PTPRD: variants seen among roughly 807,000 people sequenced by gnomAD.
PTPRD encodes receptor-type tyrosine-protein phosphatase delta.
Under a neutral mutation model 214.5 loss-of-function variants are expected in PTPRD, and 34 were observed. That is an observed-to-expected ratio of 0.16 (90% confidence interval 0.12 to 0.21). The LOEUF (loss-of-function observed/expected upper bound fraction) is 0.21, where lower values mean the gene tolerates loss of function less well. Among genes scored for constraint, PTPRD ranks in the 10% least tolerant of loss-of-function variants. PTPRD has a pLI of 1.00. For missense variants in PTPRD, 2,545 were observed against 2,398.7 expected, an observed-to-expected ratio of 1.06 and a Z score of -1.27; for synonymous variants, 1,128 against 845.7, an observed-to-expected ratio of 1.33 and a Z score of -5.79.
intron 9 of PTPRD, among the ~76,000 whole-genome samples, chr9:9,355,175 C>T (rs1446267701): frequency 6.6e-6 from 1 of 151,692 alleles, no homozygotes; most frequent in African/African-American, 2.4e-5. Context: ...TATCTATCAT[C>T]TTCAAAAGGT....
At chr9:9,033,337 G>T (rs1451845705) in intron 10 of PTPRD, among the ~76,000 whole-genome samples, 1 of 152,058 alleles carries the variant, frequency 6.6e-6, no homozygotes, top group Non-Finnish European at 1.5e-5. Flanking sequence ...CTAAGAATTA[G>T]CTGACTTGCC....
intron 25 of PTPRD, 106 bp downstream of exon 25, chr9:8,499,541 A>G (rs1592098145): frequency 8.6e-7 from 1 of 1,163,122 alleles, no homozygotes; most frequent in East Asian, 2.5e-5. Context: ...AGAATTTTGT[A>G]TAGGATTTTT....
intron 9 of PTPRD, among the ~76,000 whole-genome samples, chr9:9,370,854 C>T (rs551089879): frequency 1.3e-4 from 20 of 151,368 alleles, no homozygotes; most frequent in Non-Finnish European, 2.1e-4. Context: ...GCCTTTTCTG[C>T]ATCTATTGAG....
intron 9 of PTPRD, among the ~76,000 whole-genome samples, chr9:9,351,062 T>C (rs180843663): frequency 1.3e-5 from 2 of 152,150 alleles, no homozygotes; most frequent in East Asian, 3.9e-4. Context: ...ACCTTTGGCT[T>C]GGGGAATAGG....
At chr9:10,002,072 T>A (rs954337718) in intron 4 of PTPRD, among the ~76,000 whole-genome samples, 4 of 151,850 alleles carry the variant, frequency 2.6e-5, no homozygotes, top group African/African-American at 9.7e-5. Flanking sequence ...TTCTGTAAAC[T>A]ATTGAAATTA....
chr9:9,887,936 T>A (rs1318014685), intron 5 of PTPRD, among the ~76,000 whole-genome samples: 1 of 152,010 alleles, frequency 6.6e-6, no homozygotes, highest in Admixed American at 6.6e-5. Flanking sequence ...GATAATACAC[T>A]CACATGAAAA....
intron 2 of PTPRD, among the ~76,000 whole-genome samples, chr9:10,384,448 T>A (rs2097877920): frequency 6.6e-6 from 1 of 151,760 alleles, no homozygotes; most frequent in African/African-American, 2.4e-5. Flanking sequence ...AAAATGTTAA[T>A]TGAATCAATA....
At chr9:10,259,595 AT>A (rs968673249) in intron 3 of PTPRD, among the ~76,000 whole-genome samples, 9 of 151,344 alleles carry the variant, frequency 5.9e-5, no homozygotes, top group East Asian at 5.8e-4. Context: ...AGTGGTGATG[AT>A]TTTTTTTTCA....
chr9:10,370,191 T>C (rs1286643929), intron 2 of PTPRD, among the ~76,000 whole-genome samples: 1 of 152,060 alleles, frequency 6.6e-6, no homozygotes, highest in Admixed American at 6.6e-5. Context: ...TTGAGAACAT[T>C]ATTTATTTTC....
intron 3 of PTPRD, among the ~76,000 whole-genome samples, chr9:10,170,520 T>C (rs2099195351): frequency 6.6e-6 from 1 of 152,016 alleles, no homozygotes; most frequent in African/African-American, 2.4e-5. Context: ...ACCCCGTCTC[T>C]ACTAAAAACA....
chr9:10,254,286 A>G (rs2093050503), intron 3 of PTPRD, among the ~76,000 whole-genome samples: 1 of 152,224 alleles, frequency 6.6e-6, no homozygotes, highest in Non-Finnish European at 1.5e-5. Context: ...AAAAGTAATA[A>G]CTGTAAGGCT....
At chr9:9,293,742 G>A (rs181451832) in intron 9 of PTPRD, among the ~76,000 whole-genome samples, 18 of 151,722 alleles carry the variant, frequency 1.2e-4, no homozygotes, top group Admixed American at 5.9e-4. Context: ...TTCTATTCAT[G>A]TCTTCTACTC....
At chr9:9,007,651 T>C (rs1169103642) in intron 11 of PTPRD, among the ~76,000 whole-genome samples, 2 of 151,460 alleles carry the variant, frequency 1.3e-5, no homozygotes, top group Non-Finnish European at 2.9e-5. Flanking sequence ...GACCTGTTGC[T>C]TTAGATACCT....
chr9:10,524,428 C>A (rs563919693), intron 2 of PTPRD, among the ~76,000 whole-genome samples: 1 of 152,012 alleles, frequency 6.6e-6, no homozygotes, highest in South Asian at 2.1e-4. Context: ...CACACGCTAA[C>A]ATGGTATGTC....
intron 11 of PTPRD, among the ~76,000 whole-genome samples, chr9:8,738,332 C>A (rs542349831): frequency 2.6e-5 from 4 of 152,052 alleles, no homozygotes; most frequent in African/African-American, 7.2e-5. Context: ...TATTCATATT[C>A]AAACCAATAT....
At chr9:10,328,361 T>C (rs1007983687) in intron 3 of PTPRD, among the ~76,000 whole-genome samples, 1 of 151,788 alleles carries the variant, frequency 6.6e-6, no homozygotes, top group African/African-American at 2.4e-5. Flanking sequence ...CAGGAGACTG[T>C]AAAACTGGTA....
intron 44 of PTPRD, among the ~76,000 whole-genome samples, chr9:8,330,375 T>A (rs1047784805): frequency 2.0e-5 from 3 of 152,108 alleles, no homozygotes; most frequent in Non-Finnish European, 4.4e-5. Flanking sequence ...GCACACTAAA[T>A]AGACTATAGT....
At chr9:9,193,948 T>G (rs2099936761) in intron 9 of PTPRD, among the ~76,000 whole-genome samples, 1 of 152,204 alleles carries the variant, frequency 6.6e-6, no homozygotes. Context: ...TTTTTGGCTC[T>G]TCTGTAATAA....
intron 10 of PTPRD, among the ~76,000 whole-genome samples, chr9:9,119,738 G>A (rs2099815826): frequency 6.6e-6 from 1 of 151,732 alleles, no homozygotes; most frequent in Non-Finnish European, 1.5e-5. Context: ...TGCCCAGGGT[G>A]GTCTCGAACT....
Sources: gnomAD v4.1 joint callset for allele counts (sites outside exome capture counted in the v4.1 genomes callset) on GRCh38, gnomAD v4.1.1 for gene constraint, MANE v1.5 for transcripts, NCBI Gene and HGNC (gene_info 2026-07-23, HGNC 2026-07-21) for gene names.